The following GPR183 variants were observed in gnomAD, a reference collection of about 807,000 sequenced individuals.
GPR183 encodes the protein G protein-coupled receptor 183, also known as EBV-induced G-protein coupled receptor 2.
In GPR183, 9 loss-of-function variants were observed where a neutral mutation model predicts 19.7. The ratio of observed to expected loss-of-function variants is 0.46; its 90% CI spans 0.28 to 0.80. The LOEUF is 0.80. Among genes scored for constraint, GPR183 ranks in the 30% least tolerant of loss-of-function variants. The probability of loss-of-function intolerance (pLI) is 0.13; values close to 1 mark genes in which losing one functional copy is unlikely to be tolerated. For synonymous variants in GPR183, 160 were observed against 155.1 expected (o/e 1.03, Z -0.24); for missense variants, 368 against 446.7 (o/e 0.82, Z 1.59).
chr13:99,297,250 A>T (rs1566490733), intron 1 of GPR183, among the ~76,000 whole-genome samples: 1 of 152,218 alleles, frequency 6.6e-6, no homozygotes, highest in Non-Finnish European at 1.5e-5. Context: ...GAACAGAGCA[A>T]TAAATCCTGT....
In GPR183 at chr13:99,295,378, A is replaced by T; in HGVS notation, c.768T>A (p.Cys256Ter). ...TAATTGCAACATGGTAAGGTGTGAA[A>T]CAGAGAACAAACACAACAATAATAA... Reference protein sequence around the residue: ...IILIIVVFVLCFTPYHVAIIQ... With the variant: ...IILIIVVFVL Residue 256 changes from cysteine to a stop codon, truncating the protein, a stop_gained, in exon 2 of 2, where the codon TGT becomes TGA. Coordinates refer to ENST00000376414, the MANE Select transcript of GPR183 (RefSeq NM_004951.5). LOFTEE classifies it high-confidence loss of function. The surrounding 1 kb of genome is among the most constrained non-coding windows in gnomAD (Gnocchi z 4.1). 6.2e-7 allele frequency: 1 copy of T among 1,614,140 alleles called. No individual in the cohort carries two copies. Among genetic ancestry groups the T allele is most frequent in the South Asian group, 1.1e-5 (1 of 91,076 alleles).
intron 1 of GPR183, among the ~76,000 whole-genome samples, chr13:99,305,491 T>C (rs919725111): frequency 1.3e-5 from 2 of 152,220 alleles, no homozygotes; most frequent in Non-Finnish European, 2.9e-5. Flanking sequence ...TGTAAGCTTC[T>C]TGAGGATGAT....
intron 1 of GPR183, among the ~76,000 whole-genome samples, chr13:99,305,623 A>G (rs1434292156): frequency 2.6e-5 from 4 of 152,240 alleles, no homozygotes; most frequent in African/African-American, 9.6e-5. Flanking sequence ...CTGAGTTAAT[A>G]TTTATTCCAT....
chr13:99,295,860 C>A lies in GPR183; in HGVS notation c.286G>T (p.Asp96Tyr). Residue 96 changes from aspartate (D) to tyrosine (Y), a missense_variant, in exon 2 of 2, where the codon GAC (aspartate) becomes TAC (tyrosine). Asp to Tyr is a radical substitution (Grantham distance 160, BLOSUM62 -3). Transcript: ENST00000376414. This position sits in a 1 kb window ranked among gnomAD's most constrained non-coding sequence, Gnocchi z 4.1. ...TRIAYYAMGF[D>Y]WRIGDALCRI... ...CACAAGGCATCTCCGATTCTCCAGT[C>A]AAAGCCCATTGCATAGTAGGCTATT... is the stretch of plus-strand genomic sequence containing the variant. The A allele has an allele frequency of 6.2e-7, 1 of 1,606,742 alleles. No individual in the cohort carries two copies. Among genetic ancestry groups the A allele is most frequent in the South Asian group, 1.1e-5 (1 of 90,128 alleles).
Position 99,295,105 on chromosome 13 carries a change from T to G in GPR183, c.1041A>C (p.Thr347=). Residue 347 remains threonine, a synonymous_variant, in exon 2 of 2, where the codon ACA becomes ACC. Transcript: ENST00000376414. The surrounding 1 kb of genome is among the most constrained non-coding windows in gnomAD (Gnocchi z 4.1). ...SAPEENSREM[T]ETQMMIHSKS... is the part of the protein sequence containing the mutation. ...TGGAATGTATCATCATCTGCGTTTC[T>G]GTCATTTCACGTGAATTTTCTTCAG... 6.2e-7 allele frequency: 1 copy of G among 1,614,114 alleles called. No homozygotes were observed. The highest frequency in any genetic ancestry group is 8.5e-7 in the Non-Finnish European group (1 of 1,179,976).
At position 99,295,898 on chromosome 13, in the gene GPR183, G is replaced by A; in HGVS notation, c.248C>T (p.Ala83Val). 6.2e-7 allele frequency: 1 copy of A among 1,613,016 alleles called. No individual in the cohort carries two copies. The highest frequency in any genetic ancestry group is 1.7e-4 in the Middle Eastern group (1 of 6,054). ...ATAGTAGGCTATTCGTGTAGGCAAA[G>A]CGGTGGTAAAAAGTATATCAGAAAT... ...LVISDILFTT[A>V]LPTRIAYYAM... Residue 83 changes from alanine (A) to valine (V), a missense_variant, in exon 2 of 2, where the codon GCT becomes GTT. Ala to Val is a moderately conservative substitution (Grantham distance 64). Transcript: ENST00000376414. The surrounding 1 kb of genome is among the most constrained non-coding windows in gnomAD (Gnocchi z 4.1).
intron 1 of GPR183, among the ~76,000 whole-genome samples, chr13:99,304,141 G>A (rs2044296311): frequency 6.6e-6 from 1 of 152,160 alleles, no homozygotes; most frequent in African/African-American, 2.4e-5. Context: ...CCTTCTTCAG[G>A]AGGGTTGCTG....
intron 1 of GPR183, among the ~76,000 whole-genome samples, chr13:99,297,731 A>G (rs1292775948): frequency 6.6e-6 from 1 of 152,162 alleles, no homozygotes; most frequent in African/African-American, 2.4e-5. Flanking sequence ...AGAAAACACA[A>G]GAGGGTAGGG....
chr13:99,298,848 G>A (rs1002209329), intron 1 of GPR183, among the ~76,000 whole-genome samples: 6 of 152,222 alleles, frequency 3.9e-5, no homozygotes, highest in African/African-American at 1.4e-4. Context: ...TTCCAGGCAA[G>A]GGTTGCAGCT....
chr13:99,296,321 TTTATAA>T (rs2044172798), intron 1 of GPR183, among the ~76,000 whole-genome samples, 158 bp from the exon 2 acceptor site: 2 of 152,212 alleles, frequency 1.3e-5, no homozygotes, highest in East Asian at 1.9e-4. Flanking sequence ...TTTTTAACAG[TTTATAA>T]TTATAATATG....
chr13:99,303,577 T>G (rs1470235050), intron 1 of GPR183, among the ~76,000 whole-genome samples: 2 of 152,140 alleles, frequency 1.3e-5, no homozygotes, highest in African/African-American at 4.8e-5. Context: ...AGAAAGATAT[T>G]CTGTGTTTGT....
chr13:99,296,282 T>C, intron 1 of GPR183, 119 bp from the exon 2 acceptor site: 1 of 701,622 alleles, frequency 1.4e-6, no homozygotes, highest in Non-Finnish European at 2.1e-6. Context: ...CTTTTATATA[T>C]CTAAGTTTTA....
Position 99,294,869 on chromosome 13 carries a change from A to G in GPR183, c.*191T>C. ...AAATGAAATATTTATTTGCATTTTT[A>G]TTGTGCTTTATGTTGTTTGCTTTAT... On this transcript the variant is annotated 3_prime_UTR_variant, in exon 2 of 2. Transcript: ENST00000376414. 2.1e-6 allele frequency: 1 copy of G among 474,140 alleles called. No individual in the cohort carries two copies. Among genetic ancestry groups the G allele is most frequent in the Non-Finnish European group, 3.6e-6 (1 of 277,852 alleles). The allele number at this position is 474,140 out of a possible 1,614,324, so 29.4% of individuals were successfully genotyped here.
Position 99,294,999 on chromosome 13 carries a change from G to C in GPR183, c.*61C>G. 2.6e-6 allele frequency: 4 copies of C among 1,521,416 alleles called. No individual in the cohort carries two copies. Among genetic ancestry groups the C allele is most frequent in the Non-Finnish European group, 3.5e-6 (4 of 1,132,418 alleles). 94.2% of individuals were successfully genotyped at this position (1,521,416 alleles called of 1,614,324 possible). A position where few individuals can be genotyped will look rare whatever the true frequency, so the allele number is the denominator to read the frequency against. ...GCTGAACAATTATTTTGCTTTATAA[G>C]GGAAGTCCTGCAAAGTTTGTCATAC... On this transcript the variant is annotated 3_prime_UTR_variant, in exon 2 of 2. Coordinates refer to ENST00000376414, the MANE Select transcript of GPR183 (RefSeq NM_004951.5).
At chr13:99,304,823 A>C (rs1455981699) in intron 1 of GPR183, among the ~76,000 whole-genome samples, 1 of 152,240 alleles carries the variant, frequency 6.6e-6, no homozygotes, top group Non-Finnish European at 1.5e-5. Context: ...AGTCACATTC[A>C]GTACAATACA....
At position 99,295,536 on chromosome 13, in the gene GPR183, C is replaced by T; in HGVS notation, c.610G>A (p.Gly204Arg). Residue 204 changes from glycine (G) to arginine (R), a missense_variant, in exon 2 of 2, where the codon GGA (glycine) becomes AGA (arginine). Coordinates refer to ENST00000376414, the MANE Select transcript of GPR183 (RefSeq NM_004951.5). The surrounding 1 kb of genome is among the most constrained non-coding windows in gnomAD (Gnocchi z 4.1). ...PWILLGACFI[G>R]YVLPLIIILI... The stretch of plus-strand genomic sequence containing the variant: ...ATGATTATAAGTGGAAGTACATATC[C>T]TATGAAACATGCCCCAAGCAGAATC... 1 of 1,613,916 alleles carries T rather than the reference C, an allele frequency of 6.2e-7. No homozygotes were observed. The highest frequency in any genetic ancestry group is 8.5e-7 in the Non-Finnish European group (1 of 1,180,006).
chr13:99,305,056 T>C (rs2044311909), intron 1 of GPR183, among the ~76,000 whole-genome samples: 1 of 152,230 alleles, frequency 6.6e-6, no homozygotes, highest in Non-Finnish European at 1.5e-5. Flanking sequence ...AAAGGTTTTA[T>C]AAATGGATTT....
chr13:99,303,392 A>G (rs2138737319), intron 1 of GPR183, among the ~76,000 whole-genome samples: 1 of 152,316 alleles, frequency 6.6e-6, no homozygotes, highest in South Asian at 2.1e-4. Flanking sequence ...CCACTTGCAC[A>G]TTTGGGGTTT....
intron 1 of GPR183, among the ~76,000 whole-genome samples, chr13:99,301,839 CG>C (rs2044261696): frequency 6.6e-6 from 1 of 152,140 alleles, no homozygotes; most frequent in Admixed American, 6.5e-5. Context: ...TTACCATATT[CG>C]GGGATTTAGT....
Sources: allele counts gnomAD v4.1 joint callset (sites outside exome capture counted in the v4.1 genomes callset), GRCh38; gene constraint gnomAD v4.1.1; non-coding constraint Gnocchi (gnomAD v3.1); transcripts MANE v1.5; gene names NCBI Gene and HGNC (gene_info 2026-07-23, HGNC 2026-07-21).